The following AP4E1 variants were observed in gnomAD, a reference collection of about 807,000 sequenced individuals.
AP4E1 encodes AP-4 complex subunit epsilon-1.
In AP4E1, 56 loss-of-function variants were observed where a neutral mutation model predicts 128.2. The observed-to-expected ratio is 0.44, with a 90% confidence interval of 0.35 to 0.55. The LOEUF (loss-of-function observed/expected upper bound fraction) is 0.55. Among genes scored for constraint, AP4E1 ranks in the 20% least tolerant of loss-of-function variants. AP4E1 has a pLI of 0.00. For synonymous variants in AP4E1, 484 were observed against 473.1 expected, an observed-to-expected ratio of 1.02 and a Z score of -0.30; for missense variants, 1,324 against 1,307.7, an observed-to-expected ratio of 1.01 and a Z score of -0.19.
intron 8 of AP4E1, among the ~76,000 whole-genome samples, chr15:50,940,531 GAGA>G (rs142952631): frequency 3.3e-5 from 5 of 152,264 alleles, no homozygotes; most frequent in East Asian, 1.9e-4. Flanking sequence ...TTTGGAAATA[GAGA>G]AGGAGTGATT....
At chr15:50,926,635 G>A (rs1271286471) in intron 5 of AP4E1, among the ~76,000 whole-genome samples, 1 of 151,152 alleles carries the variant, frequency 6.6e-6, no homozygotes, top group Non-Finnish European at 1.5e-5. Flanking sequence ...GTCTTGCTCG[G>A]TCGCCCAGGC....
intron 8 of AP4E1, among the ~76,000 whole-genome samples, chr15:50,939,120 A>G (rs1248867822): frequency 6.6e-6 from 1 of 152,242 alleles, no homozygotes; most frequent in African/African-American, 2.4e-5. Context: ...TAGTACCAAG[A>G]GAGTAACCAA....
chr15:50,946,805 GA>G (rs1483243905), intron 10 of AP4E1, among the ~76,000 whole-genome samples: 1 of 152,162 alleles, frequency 6.6e-6, no homozygotes, highest in Non-Finnish European at 1.5e-5. Flanking sequence ...ATGCAAATGG[GA>G]GCTTACTCTG....
chr15:50,915,622 C>A (rs770867248), intron 3 of AP4E1, 51 bp downstream of exon 3: 1 of 1,577,178 alleles, frequency 6.3e-7, no homozygotes. Flanking sequence ...CTTGAAGTTG[C>A]ATCTATTATA....
At chr15:50,940,585 G>A (rs1463288513) in intron 8 of AP4E1, among the ~76,000 whole-genome samples, 1 of 152,180 alleles carries the variant, frequency 6.6e-6, no homozygotes, top group Non-Finnish European at 1.5e-5. Flanking sequence ...TACTAGAACA[G>A]TTTTTAAGTG....
chr15:50,975,982 A>G (rs201667739), intron 15 of AP4E1, among the ~76,000 whole-genome samples: 15 of 143,990 alleles, frequency 1.0e-4, no homozygotes, highest in African/African-American at 2.6e-4. Context: ...GAGAGAGAGA[A>G]AGAGAGAGAG....
At position 50,941,572 on chromosome 15, in the gene AP4E1, G is replaced by A; in HGVS notation, c.1066+8G>A. ...TAAATCTAAAATATTTAGGTAAGAT[G>A]ATTGGTTCTTTTGACAGAAATTACA... On this transcript the variant is annotated splice_region_variant and intron_variant, in intron 9 of 20. Coordinates refer to ENST00000261842, the MANE Select transcript of AP4E1 (RefSeq NM_007347.5). 1 of 1,612,786 alleles carries A rather than the reference G, an allele frequency of 6.2e-7. No individual in the cohort carries two copies.
intron 13 of AP4E1, among the ~76,000 whole-genome samples, chr15:50,956,967 T>A (rs11633226): frequency 6.6e-6 from 1 of 152,022 alleles, no homozygotes; most frequent in East Asian, 1.9e-4. Context: ...AGTGAGTCGC[T>A]TTTGGGCTCT....
intron 3 of AP4E1, among the ~76,000 whole-genome samples, chr15:50,917,187 C>T (rs2063640111): frequency 6.6e-6 from 1 of 152,180 alleles, no homozygotes; most frequent in South Asian, 2.1e-4. Context: ...AAGGAAATTT[C>T]AACCATTGTT....
intron 1 of AP4E1, among the ~76,000 whole-genome samples, chr15:50,911,539 G>C (rs1282690994): frequency 2.1e-4 from 31 of 149,004 alleles, no homozygotes; most frequent in African/African-American, 7.0e-4. Flanking sequence ...CTGGAGTGCA[G>C]TGGTACGATC....
intron 16 of AP4E1, among the ~76,000 whole-genome samples, chr15:50,988,402 C>T (rs2064758439): frequency 8.2e-6 from 1 of 121,890 alleles, no homozygotes; most frequent in African/African-American, 2.9e-5. Context: ...GCAACCTCTG[C>T]CTTCTGGGCT....
intron 19 of AP4E1, 137 bp downstream of exon 19, chr15:50,999,399 G>A: frequency 4.5e-6 from 3 of 664,636 alleles, no homozygotes. Flanking sequence ...TACGTTAGAG[G>A]AATTTCTAGT....
chr15:51,000,179 G>A (rs191919839), intron 19 of AP4E1, among the ~76,000 whole-genome samples: 2 of 120,384 alleles, frequency 1.7e-5, no homozygotes, highest in East Asian at 5.0e-4. Context: ...GTCTTGCTGT[G>A]TCACCCAGGC....
At chr15:50,919,377 A>G (rs971863967) in intron 3 of AP4E1, among the ~76,000 whole-genome samples, 2 of 151,090 alleles carry the variant, frequency 1.3e-5, no homozygotes, top group Admixed American at 1.3e-4. Context: ...TACTAAAAAT[A>G]CAGAATTAGC....
At chr15:50,921,424 C>T (rs776949750) in intron 3 of AP4E1, among the ~76,000 whole-genome samples, 8 of 151,946 alleles carry the variant, frequency 5.3e-5, no homozygotes, top group Non-Finnish European at 1.2e-4. Flanking sequence ...TCTTGGTTCA[C>T]TGAAACCTTT....
intron 3 of AP4E1, among the ~76,000 whole-genome samples, chr15:50,916,912 G>C (rs972244376): frequency 8.3e-4 from 126 of 150,992 alleles, no homozygotes; most frequent in Non-Finnish European, 1.4e-3. Flanking sequence ...TTTTTTTTTC[G>C]AGGCTTCAAA....
At chr15:50,958,406 A>T (rs1356665224) in intron 13 of AP4E1, 86 bp from the exon 14 acceptor site, 1 of 1,105,694 alleles carries the variant, frequency 9.0e-7, no homozygotes, top group African/African-American at 1.6e-5. Flanking sequence ...AATTCACTCT[A>T]GCAGTAGGTA....
At chr15:50,937,689 T>C (rs2141169538) in intron 8 of AP4E1, among the ~76,000 whole-genome samples, 1 of 152,068 alleles carries the variant, frequency 6.6e-6, no homozygotes, top group South Asian at 2.1e-4. Flanking sequence ...CCCTGAAAGG[T>C]AGATAAGATT....
intron 8 of AP4E1, among the ~76,000 whole-genome samples, chr15:50,938,536 G>A (rs1401201806): frequency 6.6e-6 from 1 of 152,136 alleles, no homozygotes; most frequent in Admixed American, 6.5e-5. Context: ...CAGGTGATAA[G>A]GAAGGCCCCT....
Sources: allele counts gnomAD v4.1 joint callset (sites outside exome capture counted in the v4.1 genomes callset), GRCh38; gene constraint gnomAD v4.1.1; transcripts MANE v1.5; gene names NCBI Gene and HGNC (gene_info 2026-07-23, HGNC 2026-07-21).